RPS6KA2: variants seen among roughly 807,000 people sequenced by gnomAD.
The protein encoded by RPS6KA2 is ribosomal protein S6 kinase alpha-2.
A neutral mutation model predicts 91.8 loss-of-function variants in RPS6KA2; 42 were observed. That is an observed-to-expected ratio of 0.46 (90% confidence interval 0.36 to 0.59). The LOEUF is 0.59. RPS6KA2 is among the 20% of genes least tolerant of loss of function. The probability of loss-of-function intolerance (pLI) is 0.00; values close to 1 mark genes in which losing one functional copy is unlikely to be tolerated. For missense variants in RPS6KA2, 798 were observed against 978.5 expected (o/e 0.82, Z 2.46); for synonymous variants, 414 against 393.6 (o/e 1.05, Z -0.61).
In RPS6KA2 at chr6:166,737,160, C is replaced by T. The variant is rs1206780051; in HGVS notation, c.123+121040G>A. On this transcript the variant is annotated intron_variant, in intron 2 of 21. Transcript: ENST00000503859. This position sits in a 1 kb window ranked among gnomAD's most constrained non-coding sequence, Gnocchi z 4.3. ...ATTTCCTGCAATCCTGGCTAAGAGA[C>T]ACAATTTTTAAGACATTCCTCATCA... 1.3e-5 allele frequency among the ~76,000 whole-genome samples: 2 copies of T among 152,184 alleles called. No individual in the cohort carries two copies. Among genetic ancestry groups the T allele is most frequent in the African/African-American group, 4.8e-5 (2 of 41,452 alleles).
chr6:166,597,128 G>A (rs1297712000), intron 1 of RPS6KA2, among the ~76,000 whole-genome samples: 1 of 152,228 alleles, frequency 6.6e-6, no homozygotes, highest in African/African-American at 2.4e-5. Context: ...GTGAGATGGA[G>A]AGAAAGGAAA....
chr6:166,722,213 T>C (rs1790196240), intron 2 of RPS6KA2, among the ~76,000 whole-genome samples: 1 of 152,204 alleles, frequency 6.6e-6, no homozygotes, highest in African/African-American at 2.4e-5. Flanking sequence ...TCCAGCCCTG[T>C]GTTCCAACCC....
chr6:166,828,591 C>T (rs1469599948), intron 2 of RPS6KA2, among the ~76,000 whole-genome samples: 1 of 152,186 alleles, frequency 6.6e-6, no homozygotes, highest in Non-Finnish European at 1.5e-5. Context: ...GTATCACTGA[C>T]TCATCAAATT....
intron 1 of RPS6KA2, among the ~76,000 whole-genome samples, chr6:166,539,698 A>G (rs748575311): frequency 6.6e-6 from 1 of 152,216 alleles, no homozygotes; most frequent in Non-Finnish European, 1.5e-5. Context: ...TTTTCATCCC[A>G]GAGCTTCCTG....
In RPS6KA2 at chr6:166,453,658, A is replaced by G. The variant is rs183572449; in HGVS notation, c.1076-2425T>C. Among the ~76,000 whole-genome samples the G allele has an allele frequency of 5.3e-5, 8 of 152,340 alleles. No individual in the cohort carries two copies. In the East Asian group the frequency reaches 1.5e-3, roughly 29 times the overall value. On this transcript the variant is annotated intron_variant, in intron 12 of 20. Coordinates refer to ENST00000265678, the MANE Select transcript of RPS6KA2 (RefSeq NM_021135.6). ...AAAACAGTACGGAAATTTCTCAAAG[A>G]ACTAAATGGAACTATATTCGATGCA...
intron 13 of RPS6KA2, among the ~76,000 whole-genome samples, chr6:166,450,236 C>T (rs28737237): frequency 0.57 from 82,492 of 144,212 alleles, 25,505 homozygotes; most frequent in African/African-American, 0.85. Flanking sequence ...GGAACCACCA[C>T]GGGAACCACC....
At chr6:166,735,644 C>T (rs1205018628) in intron 2 of RPS6KA2, among the ~76,000 whole-genome samples, 4 of 150,410 alleles carry the variant, frequency 2.7e-5, no homozygotes, top group African/African-American at 5.0e-5. Flanking sequence ...GAGCATGCAA[C>T]CTAGATCCCT....
chr6:166,777,097 G>A (rs2072645), intron 2 of RPS6KA2, among the ~76,000 whole-genome samples: 6,710 of 152,208 alleles, frequency 0.044, 516 homozygotes, highest in East Asian at 0.37. Context: ...AGGATGGGGC[G>A]GCTGTGAGGT....
intron 3 of RPS6KA2, among the ~76,000 whole-genome samples, chr6:166,517,176 A>AAAAAC (rs1227628267): frequency 5.3e-5 from 8 of 152,324 alleles, no homozygotes; most frequent in East Asian, 3.9e-4. Context: ...GAATTACTTA[A>AAAAAC]AAAACAAAAC....
intron 1 of RPS6KA2, among the ~76,000 whole-genome samples, chr6:166,571,273 C>T (rs1784678919): frequency 6.6e-6 from 1 of 152,198 alleles, no homozygotes; most frequent in South Asian, 2.1e-4. Flanking sequence ...GATACCAAAA[C>T]ATCTTCTATC....
At chr6:166,741,910 T>A (rs1790827770) in intron 2 of RPS6KA2, among the ~76,000 whole-genome samples, 1 of 152,214 alleles carries the variant, frequency 6.6e-6, no homozygotes, top group Non-Finnish European at 1.5e-5. Flanking sequence ...GCGGATCACC[T>A]GAGGTCGGGA....
intron 2 of RPS6KA2, among the ~76,000 whole-genome samples, chr6:166,725,541 G>T (rs1790308664): frequency 6.6e-6 from 1 of 152,234 alleles, no homozygotes. Flanking sequence ...CAGTCAGGGG[G>T]AGCATCCCTG....
At chr6:166,518,694 G>A (rs1252689937) in intron 3 of RPS6KA2, among the ~76,000 whole-genome samples, 1 of 152,236 alleles carries the variant, frequency 6.6e-6, no homozygotes, top group Non-Finnish European at 1.5e-5. Flanking sequence ...GGAAAAGGAT[G>A]TGTTCATTCC....
In RPS6KA2 at chr6:166,767,751, G is replaced by T. The variant is rs921352353; in HGVS notation, c.123+90449C>A. 2.0e-5 allele frequency among the ~76,000 whole-genome samples: 3 copies of T among 150,060 alleles called. No homozygotes were observed. The highest frequency in any genetic ancestry group is 4.4e-5 in the Non-Finnish European group (3 of 67,780). The stretch of plus-strand genomic sequence containing the variant: ...AACATATTGTTTCCCAAATTATTAA[G>T]AACTAAAGACAATACCTCCTCAAAC... On this transcript the variant is annotated intron_variant, in intron 2 of 21. Transcript: ENST00000503859. The surrounding 1 kb of genome is among the most constrained non-coding windows in gnomAD (Gnocchi z 4.6).
intron 14 of RPS6KA2, among the ~76,000 whole-genome samples, chr6:166,436,861 C>T (rs899111714): frequency 2.6e-5 from 4 of 152,214 alleles, no homozygotes; most frequent in Non-Finnish European, 5.9e-5. Context: ...GGAATAGGTT[C>T]TCACACGACC....
intron 1 of RPS6KA2, among the ~76,000 whole-genome samples, chr6:166,623,093 T>C (rs1048832994): frequency 6.6e-6 from 1 of 152,264 alleles, no homozygotes; most frequent in African/African-American, 2.4e-5. Context: ...ATTCACTCCC[T>C]ACTGTCTTTC....
chr6:166,611,280 A>G (rs969598404), intron 1 of RPS6KA2, among the ~76,000 whole-genome samples: 11 of 152,254 alleles, frequency 7.2e-5, no homozygotes, highest in African/African-American at 2.7e-4. Context: ...TAAATATACC[A>G]TATGTGCCCA....
intron 2 of RPS6KA2, among the ~76,000 whole-genome samples, chr6:166,814,651 C>G (rs1231020148): frequency 6.6e-6 from 1 of 152,160 alleles, no homozygotes; most frequent in Non-Finnish European, 1.5e-5. Flanking sequence ...ACATTACTGC[C>G]TGAGCTTCGC....
At chr6:166,654,510 T>G (rs9459707) in intron 2 of RPS6KA2, among the ~76,000 whole-genome samples, 9,182 of 152,206 alleles carry the variant, frequency 0.06, 575 homozygotes, top group African/African-American at 0.16. Flanking sequence ...CAATATAATT[T>G]ACTCGCCTGA....
Sources: gnomAD v4.1 joint callset for allele counts (sites outside exome capture counted in the v4.1 genomes callset) on GRCh38, gnomAD v4.1.1 for gene constraint, Gnocchi (gnomAD v3.1) non-coding constraint, MANE v1.5 for transcripts, NCBI Gene and HGNC (gene_info 2026-07-23, HGNC 2026-07-21) for gene names.